The following AK5 variants were observed in gnomAD, a reference collection of about 807,000 sequenced individuals.
AK5 encodes adenylate kinase 5.
In AK5, 27 loss-of-function variants were observed where a neutral mutation model predicts 69.5. The observed-to-expected ratio is 0.39, with a 90% CI of 0.29 to 0.54. The LOEUF (loss-of-function observed/expected upper bound fraction) is 0.54, where lower values mean the gene tolerates loss of function less well. Ranked by LOEUF, AK5 falls within the 20% of genes least tolerant of loss-of-function variation. AK5 has a pLI of 0.71. For synonymous variants in AK5, 260 were observed against 244.4 expected, an observed-to-expected ratio of 1.06 and a Z score of -0.60; for missense variants, 531 against 700.4, an observed-to-expected ratio of 0.76 and a Z score of 2.73.
chr1:77,503,481 G>A (rs183853379), intron 10 of AK5, among the ~76,000 whole-genome samples: 5 of 152,262 alleles, frequency 3.3e-5, no homozygotes, highest in African/African-American at 9.6e-5. Flanking sequence ...GCACAACATG[G>A]TTTTCTTAGA....
chr1:77,452,450 A>G (rs183188687), intron 8 of AK5, among the ~76,000 whole-genome samples: 15 of 152,364 alleles, frequency 9.8e-5, no homozygotes, highest in Middle Eastern at 3.4e-3. Flanking sequence ...AGATTTTTAG[A>G]TAAGGCTGTT....
chr1:77,290,455 A>G, intron 2 of AK5, among the ~76,000 whole-genome samples: 1 of 152,234 alleles, frequency 6.6e-6, no homozygotes, highest in East Asian at 1.9e-4. Flanking sequence ...CATTTTCATC[A>G]TCTAATCAAG....
At chr1:77,470,909 C>T in intron 8 of AK5, among the ~76,000 whole-genome samples, 1 of 104,452 alleles carries the variant, frequency 9.6e-6, no homozygotes, top group Admixed American at 1.3e-4. Flanking sequence ...GAGACAGAGT[C>T]TCATTCTGTG....
At chr1:77,320,171 G>C (rs1177502) in intron 5 of AK5, among the ~76,000 whole-genome samples, 14,300 of 151,930 alleles carry the variant, frequency 0.094, 804 homozygotes, top group Middle Eastern at 0.17. Context: ...GAAAACCATC[G>C]GGTCTCATGA....
At chr1:77,316,474 T>C (rs1269468609) in intron 5 of AK5, among the ~76,000 whole-genome samples, 1 of 152,144 alleles carries the variant, frequency 6.6e-6, no homozygotes, top group Non-Finnish European at 1.5e-5. Flanking sequence ...TAGATAAATA[T>C]GGTTTTTTAA....
intron 8 of AK5, among the ~76,000 whole-genome samples, chr1:77,478,247 G>A (rs1447786591): frequency 6.6e-6 from 1 of 152,186 alleles, no homozygotes; most frequent in Non-Finnish European, 1.5e-5. Flanking sequence ...AGCTTCTTAT[G>A]ATGAGGTGAT....
intron 6 of AK5, among the ~76,000 whole-genome samples, chr1:77,368,237 A>ATATATATATATATATATATATATGT (rs1553140275): frequency 1.3e-4 from 1 of 7,852 alleles, no homozygotes. Flanking sequence ...ATATATATAT[A>ATATATATATATATATATATATATGT]TATATATATA....
intron 8 of AK5, among the ~76,000 whole-genome samples, chr1:77,447,214 G>C (rs1194357874): frequency 6.6e-6 from 1 of 152,212 alleles, no homozygotes; most frequent in Non-Finnish European, 1.5e-5. Flanking sequence ...AGAAAGACAA[G>C]TTCCACTTTT....
chr1:77,535,625 C>T (rs1275441519), intron 12 of AK5, among the ~76,000 whole-genome samples: 1 of 152,106 alleles, frequency 6.6e-6, no homozygotes, highest in Non-Finnish European at 1.5e-5. Context: ...GTGAGGTGGC[C>T]TAAAAGCTGA....
chr1:77,551,869 T>C (rs953507775), intron 13 of AK5, among the ~76,000 whole-genome samples: 7 of 152,174 alleles, frequency 4.6e-5, no homozygotes, highest in African/African-American at 1.7e-4. Flanking sequence ...GTTTTTTGCC[T>C]TTCTACCTAG....
intron 6 of AK5, among the ~76,000 whole-genome samples, chr1:77,376,458 A>C (rs1017938033): frequency 1.7e-4 from 25 of 145,272 alleles, no homozygotes; most frequent in Non-Finnish European, 3.2e-4. Context: ...AAACAAAAAA[A>C]AAAAACATGT....
intron 8 of AK5, among the ~76,000 whole-genome samples, chr1:77,471,125 A>T (rs1024891168): frequency 2.0e-5 from 3 of 150,380 alleles, no homozygotes; most frequent in Non-Finnish European, 4.4e-5. Context: ...CTCGTGATCC[A>T]CCCGCCTCAG....
intron 10 of AK5, among the ~76,000 whole-genome samples, chr1:77,494,927 G>A (rs34140909): frequency 0.4 from 61,235 of 151,538 alleles, 13,030 homozygotes; most frequent in East Asian, 0.58. Context: ...GACTACAGGT[G>A]CCCGTCACCA....
At chr1:77,454,781 G>A (rs747846237) in intron 8 of AK5, among the ~76,000 whole-genome samples, 2 of 151,832 alleles carry the variant, frequency 1.3e-5, no homozygotes, top group Non-Finnish European at 2.9e-5. Context: ...TTTCTTGAGT[G>A]GGTCTAAGTT....
At chr1:77,366,618 A>C (rs1646954633) in intron 6 of AK5, among the ~76,000 whole-genome samples, 1 of 152,148 alleles carries the variant, frequency 6.6e-6, no homozygotes, top group African/African-American at 2.4e-5. Context: ...GTGAGCACCA[A>C]AGTGTATGGT....
At chr1:77,505,448 A>G (rs1158138791) in intron 10 of AK5, among the ~76,000 whole-genome samples, 2 of 152,164 alleles carry the variant, frequency 1.3e-5, no homozygotes, top group African/African-American at 4.8e-5. Context: ...ACAAAACAAA[A>G]TGTGTCTTTA....
intron 1 of AK5, chr1:77,283,293 G>A (rs374012485): frequency 4.4e-5 from 43 of 985,384 alleles, no homozygotes; most frequent in African/African-American, 2.3e-4. Flanking sequence ...CTTGAAGTAG[G>A]GGGGAGGAGG....
rs143419766 is a variant in AK5 at position 77,529,018 on chromosome 1, T to A, written c.1429-6829T>A. Among the ~76,000 whole-genome samples the A allele has an allele frequency of 7.9e-3, 1,201 of 152,324 alleles. 25 individuals carry two copies. Among genetic ancestry groups the A allele is most frequent in the African/African-American group, 0.028 (1,148 of 41,562 alleles). ...AAGCCTACATATGGTGTTCAATAAG[T>A]CTTTACAGTTTTTTTAATAATGTGT... On this transcript the variant is annotated intron_variant, in intron 12 of 13. Coordinates refer to ENST00000354567, the MANE Select transcript of AK5 (RefSeq NM_174858.3).
At chr1:77,470,858 TATATATATATATA>T (rs1358435458) in intron 8 of AK5, among the ~76,000 whole-genome samples, 492 of 9,232 alleles carry the variant, frequency 0.053, 57 homozygotes, top group Middle Eastern at 0.1. Context: ...TATATATATA[TATATATATATATA>T]TATATTTTTT....
Sources: gnomAD v4.1 joint callset for allele counts (sites outside exome capture counted in the v4.1 genomes callset) on GRCh38, gnomAD v4.1.1 for gene constraint, MANE v1.5 for transcripts, NCBI Gene and HGNC (gene_info 2026-07-23, HGNC 2026-07-21) for gene names.